Variants in KCNQ1OT1 observed in about 807,000 individuals in gnomAD.
The protein encoded by KCNQ1OT1 is KCNQ1 opposite strand/antisense transcript 1.
exon 1 of KCNQ1OT1, chr11:2,625,323 A>C (rs1033223149): frequency 2.5e-6 from 1 of 398,596 alleles, no homozygotes; most frequent in Middle Eastern, 6.3e-4. Flanking sequence ...TGATCATGGC[A>C]CACTGCAGCC....
exon 1 of KCNQ1OT1, chr11:2,636,144 A>G (rs1260723591): frequency 6.6e-6 from 1 of 152,174 alleles, no homozygotes; most frequent in Non-Finnish European, 1.5e-5. Flanking sequence ...GGACAATTTG[A>G]CTTCCTCTTT....
exon 1 of KCNQ1OT1, chr11:2,689,499 G>A (rs1850553416): frequency 2.5e-6 from 1 of 398,642 alleles, no homozygotes. Context: ...GAAGGTTTTG[G>A]GTCACCTTGT....
chr11:2,610,870 T>G, exon 1 of KCNQ1OT1: 1 of 398,368 alleles, frequency 2.5e-6, no homozygotes, highest in Non-Finnish European at 4.4e-6. Context: ...GAGTGCCACA[T>G]AGCCTCACCT....
rs1012379374 is a variant in KCNQ1OT1 at position 2,663,186 on chromosome 11, G to C, written n.36809C>G. 1.0e-5 allele frequency: 4 copies of C among 398,658 alleles called. No individual in the cohort carries two copies. In the East Asian group the frequency reaches 1.4e-4, roughly 14 times the overall value. The allele number at this position is 398,658 out of a possible 1,614,324, so 24.7% of individuals were successfully genotyped here. On this transcript the variant is annotated non_coding_transcript_exon_variant, in exon 1 of 1. Coordinates refer to ENST00000597346, the Ensembl canonical transcript of KCNQ1OT1. The surrounding 1 kb of genome is among the most constrained non-coding windows in gnomAD (Gnocchi z 5.2). ...CCCCCAGTTCACAGAGAGGTTGGCA[G>C]TACCTCATGGTGGGTAGGGTGTGAA...
chr11:2,608,769 G>A lies in KCNQ1OT1; in HGVS notation n.91226C>T, dbSNP rs1848925336. Reference sequence around the variant, plus strand: ...CTCCCAAAGTGCTGGGATTACAGGTGTGAGCCACTGCAGCTAGCCTCGTTT... The same window carrying A: ...CTCCCAAAGTGCTGGGATTACAGGTATGAGCCACTGCAGCTAGCCTCGTTT... On this transcript the variant is annotated non_coding_transcript_exon_variant, in exon 1 of 1. Coordinates refer to ENST00000597346, the Ensembl canonical transcript of KCNQ1OT1. This position sits in a 1 kb window ranked among gnomAD's most constrained non-coding sequence, Gnocchi z 4.6. 2 of 398,632 alleles carry A rather than the reference G, an allele frequency of 5.0e-6. No homozygotes were observed. Among genetic ancestry groups the A allele is most frequent in the Admixed American group, 4.4e-5 (1 of 22,728 alleles). The allele number at this position is 398,632 out of a possible 1,614,324, so 24.7% of individuals were successfully genotyped here.
chr11:2,696,237 A>T (rs1850674113), exon 1 of KCNQ1OT1: 1 of 398,526 alleles, frequency 2.5e-6, no homozygotes, highest in Admixed American at 4.4e-5. Context: ...AACAAATGGC[A>T]ACTACCTTTT....
rs1188617325 is a variant in KCNQ1OT1, at chr11:2,683,957, TTAC to T, written n.16035_16037del. 1 of 396,240 alleles carries T rather than the reference TTAC, an allele frequency of 2.5e-6. No homozygotes were observed. The highest frequency in any genetic ancestry group is 2.1e-5 in the African/African-American group (1 of 47,014). The allele number at this position is 396,240 out of a possible 1,614,324, so 24.5% of individuals were successfully genotyped here. ...GTCAGACAAAACCAGCTGACTGCTTTTACTTTTTTTTTTTTTTCATTTAGAAGA... is the reference window on the plus strand; with the variant it reads ...GTCAGACAAAACCAGCTGACTGCTTTTTTTTTTTTTTTTTCATTTAGAAGA... On this transcript the variant is annotated non_coding_transcript_exon_variant, in exon 1 of 1. Transcript: ENST00000597346. The surrounding 1 kb of genome is among the most constrained non-coding windows in gnomAD (Gnocchi z 4.7).
In KCNQ1OT1 at chr11:2,691,565, C is replaced by T. The variant is rs909321236; in HGVS notation, n.8430G>A. ...TTCTCTATCCTGAGGTTATGAAATA[C>T]CTCAGCAAGGACGAGGCCTCCCTGA... is the stretch of plus-strand genomic sequence containing the variant. On this transcript the variant is annotated non_coding_transcript_exon_variant, in exon 1 of 1. Coordinates refer to ENST00000597346, the Ensembl canonical transcript of KCNQ1OT1. This position sits in a 1 kb window ranked among gnomAD's most constrained non-coding sequence, Gnocchi z 6.4. 5 of 398,452 alleles carry T rather than the reference C, an allele frequency of 1.3e-5. No homozygotes were observed. The highest frequency in any genetic ancestry group is 2.2e-5 in the Non-Finnish European group (5 of 226,066). 24.7% of individuals were successfully genotyped at this position (398,452 alleles called of 1,614,324 possible). A position where few individuals can be genotyped will look rare whatever the true frequency, so the allele number is the denominator to read the frequency against.
At chr11:2,681,151 A>G in exon 1 of KCNQ1OT1, 1 of 398,626 alleles carries the variant, frequency 2.5e-6, no homozygotes, top group Non-Finnish European at 4.4e-6. Context: ...TTACATAGCA[A>G]TTCTACTTCT....
At chr11:2,640,998 C>A in exon 1 of KCNQ1OT1, 1 of 398,552 alleles carries the variant, frequency 2.5e-6, no homozygotes, top group South Asian at 1.3e-4. Context: ...GACATGATTT[C>A]ATTCTTCTTT....
rs1216450840 is a variant in KCNQ1OT1 at position 2,677,802 on chromosome 11, A to G, written n.22193T>C. On this transcript the variant is annotated non_coding_transcript_exon_variant, in exon 1 of 1. Transcript: ENST00000597346. The surrounding 1 kb of genome is among the most constrained non-coding windows in gnomAD (Gnocchi z 4.5). ...TCCCCCCATTTCCAGCAGGATTAAA[A>G]TGTTCATTTATGTTGTGATAGATAC... 3 of 398,374 alleles carry G rather than the reference A, an allele frequency of 7.5e-6. No individual in the cohort carries two copies. The highest frequency in any genetic ancestry group is 1.3e-5 in the Non-Finnish European group (3 of 226,038). 24.7% of individuals were successfully genotyped at this position (398,374 alleles called of 1,614,324 possible). A position where few individuals can be genotyped will look rare whatever the true frequency, so the allele number is the denominator to read the frequency against.
chr11:2,682,582 C>A lies in KCNQ1OT1; in HGVS notation n.17413G>T. 1 of 398,542 alleles carries A rather than the reference C, an allele frequency of 2.5e-6. No individual in the cohort carries two copies. The allele number at this position is 398,542 out of a possible 1,614,324, so 24.7% of individuals were successfully genotyped here. On this transcript the variant is annotated non_coding_transcript_exon_variant, in exon 1 of 1. Coordinates refer to ENST00000597346, the Ensembl canonical transcript of KCNQ1OT1. The surrounding 1 kb of genome is among the most constrained non-coding windows in gnomAD (Gnocchi z 5.8). ...AAGGCTATGCTGGGGTTCAGGCAAC[C>A]CAAGGCTGGTCTGGAGAGTGTAAGG...
chr11:2,697,339 C>A (rs1037335305), exon 1 of KCNQ1OT1: 1 of 398,502 alleles, frequency 2.5e-6, no homozygotes, highest in African/African-American at 2.1e-5. Context: ...CTATGAGCTA[C>A]ACTAAGTTTT....
In KCNQ1OT1 at chr11:2,676,243, A is replaced by C. The variant is rs757157851; in HGVS notation, n.23752T>G. On this transcript the variant is annotated non_coding_transcript_exon_variant, in exon 1 of 1. Coordinates refer to ENST00000597346, the Ensembl canonical transcript of KCNQ1OT1. The surrounding 1 kb of genome is among the most constrained non-coding windows in gnomAD (Gnocchi z 4.2). ...CAATGCTGATTTATTATGGTGCAGT[A>C]CATCTGAGAAGCATTTTTATTGCAA... 7.7e-4 allele frequency: 307 copies of C among 398,550 alleles called. 2 individuals carry two copies. The highest frequency in any genetic ancestry group is 1.2e-3 in the Non-Finnish European group (266 of 226,070). The allele number at this position is 398,550 out of a possible 1,614,324, so 24.7% of individuals were successfully genotyped here.
In KCNQ1OT1 at chr11:2,611,153, G is replaced by A. The variant is rs1589980612; in HGVS notation, n.88842C>T. On this transcript the variant is annotated non_coding_transcript_exon_variant, in exon 1 of 1. Coordinates refer to ENST00000597346, the Ensembl canonical transcript of KCNQ1OT1. This position sits in a 1 kb window ranked among gnomAD's most constrained non-coding sequence, Gnocchi z 5.3. ...CTGTTAAATTTTCCCTTTTGTCATT[G>A]TAAAATGCTTCTCAGTATCTCTAAT... 1 of 398,264 alleles carries A rather than the reference G, an allele frequency of 2.5e-6. No individual in the cohort carries two copies. Among genetic ancestry groups the A allele is most frequent in the East Asian group, 3.6e-5 (1 of 28,040 alleles). 24.7% of individuals were successfully genotyped at this position (398,264 alleles called of 1,614,324 possible). A position where few individuals can be genotyped will look rare whatever the true frequency, so the allele number is the denominator to read the frequency against.
At chr11:2,667,057 C>G in exon 1 of KCNQ1OT1, 1 of 398,692 alleles carries the variant, frequency 2.5e-6, no homozygotes, top group Non-Finnish European at 4.4e-6. Context: ...TCAAACCCGT[C>G]TCTGAAATGC....
rs1211203202 is a variant in KCNQ1OT1 at position 2,690,631 on chromosome 11, CAG to C, written n.9362_9363del. 43 of 398,494 alleles carry C rather than the reference CAG, an allele frequency of 1.1e-4. No homozygotes were observed. The highest frequency in any genetic ancestry group is 1.5e-4 in the Non-Finnish European group (35 of 226,090). 24.7% of individuals were successfully genotyped at this position (398,494 alleles called of 1,614,324 possible). ...CATATGTGCATGTTCATATATGTGT[CAG>C]AATGCGTATTTGTCAGTGTATGTGT... On this transcript the variant is annotated non_coding_transcript_exon_variant, in exon 1 of 1. Transcript: ENST00000597346. The surrounding 1 kb of genome is among the most constrained non-coding windows in gnomAD (Gnocchi z 5.1).
At chr11:2,618,008 T>C (rs189919016) in exon 1 of KCNQ1OT1, 9 of 398,606 alleles carry the variant, frequency 2.3e-5, no homozygotes, top group African/African-American at 1.4e-4. Flanking sequence ...GTTGACTGTT[T>C]CCGTTCCTGT....
At chr11:2,619,712 A>AT (rs35618307) in exon 1 of KCNQ1OT1, 18,093 of 279,042 alleles carry the variant, frequency 0.065, 174 homozygotes, top group African/African-American at 0.1. Flanking sequence ...CTTTAGCTGC[A>AT]TTTTTTTTTT....
Sources: allele counts gnomAD v4.1 joint callset, GRCh38; gene constraint gnomAD v4.1.1; non-coding constraint Gnocchi (gnomAD v3.1); transcripts MANE v1.5; gene names NCBI Gene and HGNC (gene_info 2026-07-23, HGNC 2026-07-21).